SH2D4A: variants seen among roughly 807,000 people sequenced by gnomAD.
The protein encoded by SH2D4A is SH2 domain containing 4A.
A neutral mutation model predicts 64.7 loss-of-function variants in SH2D4A; 70 were observed. That is an observed-to-expected ratio of 1.08 (90% CI 0.89 to 1.32). The LOEUF is 1.32. SH2D4A is among the 40% of genes most tolerant of loss of function. SH2D4A has a pLI of 0.00. For missense variants in SH2D4A, 706 were observed against 540.1 expected (o/e 1.31, Z -3.04); for synonymous variants, 268 against 200.7 (o/e 1.34, Z -2.83).
chr8:19,382,915 T>C (rs796221706), intron 8 of SH2D4A, among the ~76,000 whole-genome samples: 5 of 149,198 alleles, frequency 3.4e-5, no homozygotes, highest in African/African-American at 1.2e-4. Context: ...GCTACAGCCT[T>C]GACCTCCCAG....
chr8:19,394,628 G>C lies in SH2D4A; in HGVS notation c.1351G>C (p.Glu451Gln), dbSNP rs543277974. 3.4e-5 allele frequency: 55 copies of C among 1,607,716 alleles called. No homozygotes were observed. The highest frequency in any genetic ancestry group is 4.4e-5 in the Non-Finnish European group (52 of 1,175,972). ...GCAGGACCAGCTGCCTGACTACCTG[G>C]AGCTGTTTGAGTGACAGCCTCCATC... ...GQQDQLPDYL[E>Q]LFE is the part of the protein sequence containing the mutation. The change falls in exon 10 of 10, where the codon GAG (glutamate) becomes CAG (glutamine). Residue 451 changes from glutamate to glutamine, a missense_variant. Coordinates refer to ENST00000265807, the MANE Select transcript of SH2D4A (RefSeq NM_022071.4).
chr8:19,345,044 A>G (rs920452610), intron 4 of SH2D4A, among the ~76,000 whole-genome samples: 3 of 152,144 alleles, frequency 2.0e-5, no homozygotes, highest in Non-Finnish European at 2.9e-5. Context: ...GAAGAACTGG[A>G]TTTTCATTTT....
intron 1 of SH2D4A, among the ~76,000 whole-genome samples, chr8:19,314,499 A>T (rs1047142252): frequency 6.6e-6 from 1 of 151,826 alleles, no homozygotes; most frequent in Admixed American, 6.6e-5. Context: ...CGCTCAGCCA[A>T]GCGGCGCCCC....
At chr8:19,361,119 T>G in intron 5 of SH2D4A, 84 bp from the exon 6 acceptor site, 1 of 717,212 alleles carries the variant, frequency 1.4e-6, no homozygotes, top group South Asian at 1.9e-5. Context: ...TACCCCGTCC[T>G]TCAGGAAACT....
intron 2 of SH2D4A, among the ~76,000 whole-genome samples, chr8:19,328,361 G>T (rs967369853): frequency 6.8e-6 from 1 of 146,984 alleles, no homozygotes; most frequent in African/African-American, 2.5e-5. Context: ...AAAACAGCTT[G>T]TTTTTTTTTT....
At chr8:19,316,560 G>A (rs966027492) in intron 1 of SH2D4A, among the ~76,000 whole-genome samples, 1 of 152,200 alleles carries the variant, frequency 6.6e-6, no homozygotes, top group Non-Finnish European at 1.5e-5. Flanking sequence ...CCTGGCTGGG[G>A]TGTGTGCACC....
chr8:19,335,578 A>C (rs550118490), intron 4 of SH2D4A, among the ~76,000 whole-genome samples: 3 of 152,330 alleles, frequency 2.0e-5, no homozygotes, highest in African/African-American at 7.2e-5. Context: ...CAAATGAATG[A>C]GCATGGCTGT....
chr8:19,316,356 G>T (rs1273283025), intron 1 of SH2D4A, among the ~76,000 whole-genome samples: 2 of 152,210 alleles, frequency 1.3e-5, no homozygotes, highest in Non-Finnish European at 2.9e-5. Flanking sequence ...CATCACAGAG[G>T]TGCCATGAAC....
At chr8:19,380,283 A>G (rs2053270040) in intron 8 of SH2D4A, among the ~76,000 whole-genome samples, 2 of 152,138 alleles carry the variant, frequency 1.3e-5, no homozygotes, top group South Asian at 4.1e-4. Flanking sequence ...CCTTTATTAG[A>G]TATCTAATTT....
chr8:19,318,144 TC>T (rs1217519746), intron 1 of SH2D4A, among the ~76,000 whole-genome samples: 1 of 152,090 alleles, frequency 6.6e-6, no homozygotes, highest in African/African-American at 2.4e-5. Context: ...GACCTCGTGA[TC>T]CCCCCTCTTT....
rs146878861 is a variant in SH2D4A, at chr8:19,373,556, C to G, written c.944C>G (p.Ser315Cys). 1.4e-5 allele frequency: 23 copies of G among 1,612,776 alleles called. No individual in the cohort carries two copies. The African/African-American group carries it at 2.9e-4, about 21-fold the overall frequency. Residue 315 changes from serine (S) to cysteine (C), a missense_variant, in exon 8 of 10, where the codon TCC (serine) becomes TGC (cysteine). By Grantham distance (112) the Ser-to-Cys change is moderately radical. Coordinates refer to ENST00000265807, the MANE Select transcript of SH2D4A (RefSeq NM_022071.4). ...AATCAGGGAGTGGTGAGGACACTGT[C>G]CAGCTCTGCCCAAGAGGACATCATC... Reference protein sequence around the residue: ...LRNQGVVRTLSSSAQEDIIRW... With the variant: ...LRNQGVVRTLCSSAQEDIIRW...
At chr8:19,371,923 T>C (rs1018344785) in intron 7 of SH2D4A, among the ~76,000 whole-genome samples, 2 of 152,196 alleles carry the variant, frequency 1.3e-5, no homozygotes, top group African/African-American at 4.8e-5. Context: ...CCCTGATAAA[T>C]TTTTGAATTG....
At position 19,351,876 on chromosome 8, in the gene SH2D4A, C is replaced by T. The variant is rs112649553; in HGVS notation, c.514-5327C>T. Among the ~76,000 whole-genome samples, 13 of 152,114 alleles carry T rather than the reference C, an allele frequency of 8.5e-5. No individual in the cohort carries two copies. The South Asian group carries it at 1.0e-3, about 12-fold the overall frequency. On this transcript the variant is annotated intron_variant, in intron 4 of 9. Coordinates refer to ENST00000265807, the MANE Select transcript of SH2D4A (RefSeq NM_022071.4). ...TTGGCTCACTGCAACCTCTGCCTCT[C>T]GGGTTCAAGCGATTCTTCTGCCTCA...
chr8:19,345,621 G>C (rs1345917166), intron 4 of SH2D4A, among the ~76,000 whole-genome samples: 1 of 152,124 alleles, frequency 6.6e-6, no homozygotes, highest in Non-Finnish European at 1.5e-5. Flanking sequence ...CCTCCCCTTG[G>C]AGACTCAAAA....
In SH2D4A at chr8:19,331,781, A is replaced by G. The variant is rs551467437; in HGVS notation, c.182-1174A>G. On this transcript the variant is annotated intron_variant, in intron 2 of 9. Transcript: ENST00000265807. The stretch of plus-strand genomic sequence containing the variant: ...CCTGCCCACAGCAACCCTAGGTAGT[A>G]AATATTGGTATTCCCATTTTGCAGA... Among the ~76,000 whole-genome samples, 243 of 152,330 alleles carry G rather than the reference A, an allele frequency of 1.6e-3. 3 individuals carry two copies. The highest frequency in any genetic ancestry group is 3.0e-3 in the Admixed American group (46 of 15,302).
intron 6 of SH2D4A, among the ~76,000 whole-genome samples, chr8:19,362,335 T>C (rs1236821709): frequency 1.3e-5 from 2 of 152,322 alleles, no homozygotes; most frequent in Middle Eastern, 3.4e-3. Flanking sequence ...GTAAATATAG[T>C]CAATAAAAAT....
chr8:19,314,116 G>C lies in SH2D4A; in HGVS notation c.-205+293G>C, dbSNP rs941425266. 43 of 1,141,030 alleles carry C rather than the reference G, an allele frequency of 3.8e-5. No individual in the cohort carries two copies. In the African/African-American group the frequency reaches 6.6e-4, roughly 18 times the overall value. The allele number at this position is 1,141,030 out of a possible 1,614,324, so 70.7% of individuals were successfully genotyped here. On this transcript the variant is annotated intron_variant, in intron 1 of 9. Coordinates refer to ENST00000265807, the MANE Select transcript of SH2D4A (RefSeq NM_022071.4). ...TCCCCGGGGCCTGGGGGCTTGCAGG[G>C]GGTGGCGGGGGAACTTCGAGGGAGA... is the stretch of plus-strand genomic sequence containing the variant.
At chr8:19,347,388 C>T (rs1313912728) in intron 4 of SH2D4A, among the ~76,000 whole-genome samples, 1 of 152,152 alleles carries the variant, frequency 6.6e-6, no homozygotes, top group Non-Finnish European at 1.5e-5. Flanking sequence ...GTATGAACTG[C>T]GAGTCCCCTG....
intron 3 of SH2D4A, among the ~76,000 whole-genome samples, chr8:19,333,591 G>C (rs2052397453): frequency 6.6e-6 from 1 of 152,134 alleles, no homozygotes; most frequent in Non-Finnish European, 1.5e-5. Flanking sequence ...GGATAATCAG[G>C]CTCTTTAGGT....
Sources: allele counts gnomAD v4.1 joint callset (sites outside exome capture counted in the v4.1 genomes callset), GRCh38; gene constraint gnomAD v4.1.1; transcripts MANE v1.5; gene names NCBI Gene and HGNC (gene_info 2026-07-23, HGNC 2026-07-21).